Variants in CNTN3 observed in about 807,000 individuals in gnomAD.
CNTN3 encodes the protein contactin 3.
A neutral mutation model predicts 119.1 loss-of-function variants in CNTN3; 60 were observed. The observed-to-expected ratio is 0.50, with a 90% CI of 0.41 to 0.62. CNTN3 has a LOEUF of 0.62. CNTN3 is among the 20% of genes least tolerant of loss of function. The pLI is 0.00. For synonymous variants in CNTN3, 450 were observed against 438.7 expected, an observed-to-expected ratio of 1.03 and a Z score of -0.32; for missense variants, 1,101 against 1,242.4, an observed-to-expected ratio of 0.89 and a Z score of 1.71.
chr3:74,507,334 C>T (rs1703280452), intron 2 of CNTN3, among the ~76,000 whole-genome samples: 1 of 151,184 alleles, frequency 6.6e-6, no homozygotes, highest in Non-Finnish European at 1.5e-5. Flanking sequence ...GGGAGGATCA[C>T]TTGGGCCCAG....
intron 5 of CNTN3, among the ~76,000 whole-genome samples, chr3:74,417,905 A>T: frequency 6.6e-6 from 1 of 152,230 alleles, no homozygotes; most frequent in East Asian, 1.9e-4. Flanking sequence ...TTCAGTCTAC[A>T]GATGGATTAC....
chr3:74,399,918 A>G (rs1366354964), intron 5 of CNTN3, among the ~76,000 whole-genome samples: 1 of 152,106 alleles, frequency 6.6e-6, no homozygotes, highest in East Asian at 1.9e-4. Flanking sequence ...TGCGCTTCCT[A>G]GACTATGAGC....
At position 74,269,158 on chromosome 3, in the gene CNTN3, G is replaced by C. The variant is rs182005334; in HGVS notation, c.2705-1780C>G. 5.2e-3 allele frequency among the ~76,000 whole-genome samples: 795 copies of C among 151,452 alleles called. 9 individuals are homozygous for C. The highest frequency in any genetic ancestry group is 0.017 in the African/African-American group (688 of 41,326). ...TAAACGTCAGTCATGTATCATTTTT[G>C]TCATGTTTTGCTATTTAAAAAAATA... On this transcript the variant is annotated intron_variant, in intron 20 of 22. Coordinates refer to ENST00000263665, the MANE Select transcript of CNTN3 (RefSeq NM_020872.3).
intron 1 of CNTN3, among the ~76,000 whole-genome samples, chr3:74,602,976 C>G (rs1704935928): frequency 1.3e-5 from 2 of 152,106 alleles, no homozygotes; most frequent in Non-Finnish European, 1.5e-5. Context: ...GAGGAGTGCT[C>G]TTGAAAGAAA....
intron 13 of CNTN3, among the ~76,000 whole-genome samples, chr3:74,303,288 G>A (rs1343820436): frequency 6.6e-6 from 1 of 152,092 alleles, no homozygotes; most frequent in Non-Finnish European, 1.5e-5. Context: ...TGAACACACT[G>A]GAGCTTAAAA....
In CNTN3 at chr3:74,266,741, C is replaced by T. The variant is rs541000872; in HGVS notation, c.2818-92G>A. 2.4e-4 allele frequency: 261 copies of T among 1,083,928 alleles called. 1 individual carries two copies. Among genetic ancestry groups the T allele is most frequent in the Admixed American group, 2.6e-4 (13 of 49,178 alleles). The allele number at this position is 1,083,928 out of a possible 1,614,324, so 67.1% of individuals were successfully genotyped here. On this transcript the variant is annotated intron_variant, in intron 21 of 22. Coordinates refer to ENST00000263665, the MANE Select transcript of CNTN3 (RefSeq NM_020872.3). Reference sequence around the variant, plus strand: ...TCTCTCTGAAATTAACTAATTTTGTCCTTCTATATCCACTAGAATGTAAGT... The same window carrying T: ...TCTCTCTGAAATTAACTAATTTTGTTCTTCTATATCCACTAGAATGTAAGT...
chr3:74,429,135 T>C (rs1701743331), intron 4 of CNTN3, among the ~76,000 whole-genome samples: 1 of 152,042 alleles, frequency 6.6e-6, no homozygotes. Flanking sequence ...ATAATTCTGA[T>C]CGAAATATCA....
chr3:74,543,693 GGGTCACAGTCATCAA>G (rs1384821925), intron 1 of CNTN3, among the ~76,000 whole-genome samples: 4 of 151,966 alleles, frequency 2.6e-5, no homozygotes, highest in Non-Finnish European at 5.9e-5. Context: ...AATACTCTAA[GGGTCACAGTCATCAA>G]GGCAGCCACA....
chr3:74,446,442 C>G (rs1351118099), intron 4 of CNTN3, among the ~76,000 whole-genome samples: 1 of 151,968 alleles, frequency 6.6e-6, no homozygotes, highest in East Asian at 1.9e-4. Flanking sequence ...AACTCTTTTA[C>G]TAAATGTTGA....
chr3:74,523,395 T>C (rs145372452), intron 1 of CNTN3, among the ~76,000 whole-genome samples: 230 of 152,008 alleles, frequency 1.5e-3, no homozygotes, highest in South Asian at 2.9e-3. Flanking sequence ...AAACATGAGA[T>C]ACATTAATCT....
intron 18 of CNTN3, among the ~76,000 whole-genome samples, chr3:74,297,621 A>G (rs1467836941): frequency 6.6e-6 from 1 of 152,192 alleles, no homozygotes; most frequent in African/African-American, 2.4e-5. Flanking sequence ...AGAGAGATTT[A>G]ACCTTTTATC....
intron 4 of CNTN3, among the ~76,000 whole-genome samples, chr3:74,472,424 C>G (rs997255469): frequency 6.6e-6 from 1 of 152,160 alleles, no homozygotes; most frequent in African/African-American, 2.4e-5. Flanking sequence ...ATCGTCTCAG[C>G]TAACTATTCC....
At chr3:74,447,505 G>A (rs555327204) in intron 4 of CNTN3, among the ~76,000 whole-genome samples, 23 of 152,266 alleles carry the variant, frequency 1.5e-4, no homozygotes, top group African/African-American at 5.3e-4. Context: ...ATTTTTCATT[G>A]GTTGAAAAGA....
intron 4 of CNTN3, among the ~76,000 whole-genome samples, chr3:74,485,314 A>G (rs1390382427): frequency 6.6e-6 from 1 of 152,104 alleles, no homozygotes; most frequent in Non-Finnish European, 1.5e-5. Context: ...TATACAAAGT[A>G]CTTTAGTTAA....
chr3:74,289,603 A>T (rs967343967), intron 19 of CNTN3, among the ~76,000 whole-genome samples: 4 of 152,138 alleles, frequency 2.6e-5, no homozygotes, highest in African/African-American at 9.7e-5. Flanking sequence ...CAAAACAGAG[A>T]AAAGTGACAG....
At chr3:74,307,702 A>G (rs977557509) in intron 13 of CNTN3, among the ~76,000 whole-genome samples, 1 of 152,202 alleles carries the variant, frequency 6.6e-6, no homozygotes, top group Non-Finnish European at 1.5e-5. Flanking sequence ...ATACATTGTG[A>G]TATCTACCAC....
intron 3 of CNTN3, among the ~76,000 whole-genome samples, chr3:74,490,009 T>C (rs144686245): frequency 2.0e-5 from 3 of 152,284 alleles, no homozygotes; most frequent in Non-Finnish European, 4.4e-5. Flanking sequence ...ATCAAGCACA[T>C]GTTGGTTCTA....
chr3:74,278,267 A>G (rs760143883), intron 20 of CNTN3, among the ~76,000 whole-genome samples: 1 of 152,128 alleles, frequency 6.6e-6, no homozygotes, highest in Non-Finnish European at 1.5e-5. Flanking sequence ...AAAAAACTCT[A>G]AAATTCATAT....
intron 1 of CNTN3, among the ~76,000 whole-genome samples, chr3:74,602,443 A>T (rs1704927103): frequency 6.6e-6 from 1 of 152,008 alleles, no homozygotes; most frequent in Non-Finnish European, 1.5e-5. Flanking sequence ...TCTACATAGA[A>T]TTATTGTGGT....
Sources: allele counts gnomAD v4.1 joint callset (sites outside exome capture counted in the v4.1 genomes callset), GRCh38; gene constraint gnomAD v4.1.1; transcripts MANE v1.5; gene names NCBI Gene and HGNC (gene_info 2026-07-23, HGNC 2026-07-21).